The following THOP1 variants were observed in gnomAD, a reference collection of about 807,000 sequenced individuals.
THOP1 encodes the protein thimet oligopeptidase.
A neutral mutation model predicts 71.8 loss-of-function variants in THOP1; 49 were observed. The observed-to-expected ratio is 0.68, with a 90% CI of 0.54 to 0.87. THOP1 has a LOEUF of 0.87. THOP1 is among the 40% of genes least tolerant of loss of function. The pLI is 0.00. For missense variants in THOP1, 843 were observed against 975.6 expected (o/e 0.86, Z 1.81); for synonymous variants, 426 against 421.5 (o/e 1.01, Z -0.13).
chr19:2,786,419 G>A (rs753395667), intron 1 of THOP1, among the ~76,000 whole-genome samples: 8 of 150,666 alleles, frequency 5.3e-5, no homozygotes, highest in African/African-American at 9.8e-5. Context: ...CTAATTTTTT[G>A]TAGAAACGAG....
intron 1 of THOP1, among the ~76,000 whole-genome samples, 177 bp from the exon 2 acceptor site, chr19:2,790,244 G>C (rs1043271769): frequency 6.6e-6 from 1 of 152,172 alleles, no homozygotes; most frequent in African/African-American, 2.4e-5. Context: ...GGGATTGATG[G>C]CAGAGTAGCC....
rs1435213451 is a variant in THOP1, at chr19:2,804,413, G to A, written c.590-603G>A. Among the ~76,000 whole-genome samples the A allele has an allele frequency of 6.6e-6, 1 of 152,164 alleles. No individual in the cohort carries two copies. Among genetic ancestry groups the A allele is most frequent in the African/African-American group, 2.4e-5 (1 of 41,416 alleles). Reference sequence around the variant, plus strand: ...TGGAGGGACACACTTGAAAGTGGTTGAGCCGTGGGGCTGCGTGCTGAGATC... The same window carrying A: ...TGGAGGGACACACTTGAAAGTGGTTAAGCCGTGGGGCTGCGTGCTGAGATC... On this transcript the variant is annotated intron_variant, in intron 5 of 12. Transcript: ENST00000307741. This position sits in a 1 kb window ranked among gnomAD's most constrained non-coding sequence, Gnocchi z 4.7.
Position 2,811,739 on chromosome 19 carries a change from GCGGGGAC to G in THOP1, c.1908+6_1908+12del, listed in dbSNP as rs778557386. ...GAGGGTGTCCTGAACAGCAAGGTAC[GCGGGGAC>G]TGGGGACAGGGAGGGCGTCCTGAAC... On this transcript the variant is annotated splice_donor_region_variant and intron_variant, in intron 12 of 12. Transcript: ENST00000307741. 18 of 1,574,186 alleles carry G rather than the reference GCGGGGAC, an allele frequency of 1.1e-5. No individual in the cohort carries two copies. The South Asian group carries it at 1.7e-4, about 15-fold the overall frequency.
At chr19:2,813,075 T>G in intron 12 of THOP1, 40 bp from the exon 13 acceptor site, 1 of 1,570,664 alleles carries the variant, frequency 6.4e-7, no homozygotes, top group African/African-American at 1.3e-5. Context: ...CCTTCCTCCC[T>G]GGGTCCCCAC....
In THOP1 at chr19:2,794,901, G is replaced by T. The variant is rs768465219; in HGVS notation, c.367G>T (p.Val123Leu). The stretch of plus-strand genomic sequence containing the variant: ...GAGGGAGGACGTGTACCAGAGGATC[G>T]TGTGGCTCCAGGTGAGGGGGCCCTG... ...SMREDVYQRI[V>L]WLQEKVQKDS... The change falls in exon 3 of 13, where the codon GTG becomes TTG. Residue 123 changes from valine to leucine, a missense_variant. Transcript: ENST00000307741. 2 of 1,611,884 alleles carry T rather than the reference G, an allele frequency of 1.2e-6. No homozygotes were observed. The highest frequency in any genetic ancestry group is 1.7e-6 in the Non-Finnish European group (2 of 1,178,194).
intron 12 of THOP1, 42 bp from the exon 13 acceptor site, chr19:2,813,073 C>T: frequency 6.4e-7 from 1 of 1,566,910 alleles, no homozygotes; most frequent in Non-Finnish European, 8.7e-7. Context: ...TGCCTTCCTC[C>T]CTGGGTCCCC....
chr19:2,799,317 C>G (rs960801991), intron 4 of THOP1, among the ~76,000 whole-genome samples: 1 of 152,108 alleles, frequency 6.6e-6, no homozygotes, highest in African/African-American at 2.4e-5. Flanking sequence ...AGAGCGAGTC[C>G]CTGTCTCAGA....
At position 2,801,809 on chromosome 19, in the gene THOP1, T is replaced by C. The variant is rs1350361930; in HGVS notation, c.589+2018T>C. On this transcript the variant is annotated intron_variant, in intron 5 of 12. Transcript: ENST00000307741. The surrounding 1 kb of genome is among the most constrained non-coding windows in gnomAD (Gnocchi z 5.1). ...TAAGCGAGCCGGTTCCACCCAGGTC[T>C]CTCCTCCTCACAAAGCCCCAGGCCC... 6.6e-6 allele frequency among the ~76,000 whole-genome samples: 1 copy of C among 151,838 alleles called. No individual in the cohort carries two copies. The highest frequency in any genetic ancestry group is 1.9e-4 in the East Asian group (1 of 5,166).
intron 8 of THOP1, 121 bp from the exon 9 acceptor site, chr19:2,808,122 T>G (rs1402110128): frequency 4.3e-6 from 5 of 1,176,202 alleles, no homozygotes; most frequent in Non-Finnish European, 6.0e-6. Flanking sequence ...AGAGGGAGGT[T>G]TAGAACCTCA....
At chr19:2,785,986 A>G (rs1915731175) in intron 1 of THOP1, among the ~76,000 whole-genome samples, 1 of 152,220 alleles carries the variant, frequency 6.6e-6, no homozygotes, top group Non-Finnish European at 1.5e-5. Flanking sequence ...TTCTAGAGCC[A>G]CAGACAGACA....
Position 2,790,454 on chromosome 19 carries a change from C to T in THOP1, c.50C>T (p.Pro17Leu), listed in dbSNP as rs200100559. Reference protein sequence around the residue: ...CAGDMADAASPCSVVNDLRWD... With the variant: ...CAGDMADAASLCSVVNDLRWD... Reference sequence around the variant, plus strand: ...GGAGACATGGCGGACGCAGCATCTCCGTGCTCTGTGGTAAACGACCTGCGG... The same window carrying T: ...GGAGACATGGCGGACGCAGCATCTCTGTGCTCTGTGGTAAACGACCTGCGG... Residue 17 changes from proline to leucine, a missense_variant, in exon 2 of 13, where the codon CCG (proline) becomes CTG (leucine). Transcript: ENST00000307741. The T allele has an allele frequency of 3.0e-5, 47 of 1,590,536 alleles. No individual in the cohort carries two copies. The highest frequency in any genetic ancestry group is 4.5e-5 in the East Asian group (2 of 44,446).
chr19:2,808,923 T>C (rs927722288), intron 9 of THOP1, among the ~76,000 whole-genome samples: 1 of 152,186 alleles, frequency 6.6e-6, no homozygotes, highest in African/African-American at 2.4e-5. Context: ...CCAGGCGTGG[T>C]GGTCCACGCC....
intron 4 of THOP1, among the ~76,000 whole-genome samples, chr19:2,797,526 A>C (rs955831396): frequency 2.6e-5 from 4 of 152,226 alleles, no homozygotes. Flanking sequence ...GACGCAGGCA[A>C]ACTGAAAACC....
At chr19:2,813,002 A>G (rs1736185) in intron 12 of THOP1, 113 bp from the exon 13 acceptor site, 428,966 of 1,328,454 alleles carry the variant, frequency 0.32, 75,061 homozygotes, top group African/African-American at 0.67. Flanking sequence ...CTCCCTGGGA[A>G]CCTGGAAGGG....
At chr19:2,799,556 C>G in intron 4 of THOP1, 133 bp from the exon 5 acceptor site, 1 of 677,032 alleles carries the variant, frequency 1.5e-6, no homozygotes, top group Non-Finnish European at 2.6e-6. Flanking sequence ...CTTTCCTCCT[C>G]GGTTGCCTCT....
rs1456689255 is a variant in THOP1 at position 2,804,418 on chromosome 19, G to A, written c.590-598G>A. On this transcript the variant is annotated intron_variant, in intron 5 of 12. Coordinates refer to ENST00000307741, the MANE Select transcript of THOP1 (RefSeq NM_003249.5). This position sits in a 1 kb window ranked among gnomAD's most constrained non-coding sequence, Gnocchi z 4.7. ...GGACACACTTGAAAGTGGTTGAGCC[G>A]TGGGGCTGCGTGCTGAGATCTCAGC... is the stretch of plus-strand genomic sequence containing the variant. 1.3e-5 allele frequency among the ~76,000 whole-genome samples: 2 copies of A among 152,162 alleles called. No homozygotes were observed. The highest frequency in any genetic ancestry group is 2.9e-5 in the Non-Finnish European group (2 of 68,022).
In THOP1 at chr19:2,813,296, C is replaced by T. The variant is rs535913985; in HGVS notation, c.*20C>T. On this transcript the variant is annotated 3_prime_UTR_variant, in exon 13 of 13. Transcript: ENST00000307741. ...TGCTGAGGCCTGGCACTGCGACTGC[C>T]CAGTCTGGCCTGCGCTCCCGCCGCC... The T allele has an allele frequency of 3.8e-6, 6 of 1,594,768 alleles. No homozygotes were observed. The South Asian group carries it at 6.7e-5, about 18-fold the overall frequency.
At chr19:2,802,315 C>T (rs1463436533) in intron 5 of THOP1, among the ~76,000 whole-genome samples, 9 of 134,846 alleles carry the variant, frequency 6.7e-5, no homozygotes, top group African/African-American at 2.5e-4. Flanking sequence ...CCCGACACCC[C>T]CACTTCCCGA....
intron 12 of THOP1, 118 bp from the exon 13 acceptor site, chr19:2,812,997 T>C (rs1261308530): frequency 2.3e-6 from 3 of 1,300,312 alleles, no homozygotes; most frequent in East Asian, 5.1e-5. Context: ...CGGGCCTCCC[T>C]GGGAACCTGG....
Sources: gnomAD v4.1 joint callset for allele counts (sites outside exome capture counted in the v4.1 genomes callset) on GRCh38, gnomAD v4.1.1 for gene constraint, Gnocchi (gnomAD v3.1) non-coding constraint, MANE v1.5 for transcripts, NCBI Gene and HGNC (gene_info 2026-07-23, HGNC 2026-07-21) for gene names.